The following SUN1 variants were observed in gnomAD, a reference collection of about 807,000 sequenced individuals.
The protein encoded by SUN1 is Sad1 and UNC84 domain containing 1.
Under a neutral mutation model 103.2 loss-of-function variants are expected in SUN1, and 61 were observed. That is an observed-to-expected ratio of 0.59 (90% confidence interval 0.48 to 0.73). SUN1 has a LOEUF of 0.73. Among genes scored for constraint, SUN1 ranks in the 30% least tolerant of loss-of-function variants. The pLI is 0.00. For synonymous variants in SUN1, 490 were observed against 425.7 expected, an observed-to-expected ratio of 1.15 and a Z score of -1.86; for missense variants, 1,052 against 1,034.6, an observed-to-expected ratio of 1.02 and a Z score of -0.23.
chr7:857,051 G>A (rs540843414), intron 12 of SUN1, among the ~76,000 whole-genome samples: 132 of 152,284 alleles, frequency 8.7e-4, no homozygotes, highest in African/African-American at 3.1e-3. Flanking sequence ...GATTTGCCAA[G>A]TCCCCTTAAG....
intron 15 of SUN1, among the ~76,000 whole-genome samples, chr7:862,045 G>C (rs1832649247): frequency 6.6e-6 from 1 of 152,254 alleles, no homozygotes; most frequent in South Asian, 2.1e-4. Context: ...TCCGTGGTGA[G>C]TGGGGCAGCA....
rs60712364 is a variant in SUN1 at position 819,709 on chromosome 7, CT to C, written c.-74+3053del. ...TGTATGTTTTTATGCCAATGCCACC[CT>C]TTTTTTTTTTTTTTTTGAGATGGAA... On this transcript the variant is annotated intron_variant, in intron 1 of 17. Transcript: ENST00000389574. 1.6e-3 allele frequency among the ~76,000 whole-genome samples: 212 copies of C among 130,552 alleles called. 1 individual carries two copies. The highest frequency in any genetic ancestry group is 0.011 in the South Asian group (47 of 4,208). The allele number at this position is 130,552 out of a possible 152,430, so 85.6% of individuals were successfully genotyped here. A position where few individuals can be genotyped will look rare whatever the true frequency, so the allele number is the denominator to read the frequency against.
upstream of SUN1, among the ~76,000 whole-genome samples, chr7:830,772 G>A (rs946778278): frequency 2.0e-5 from 3 of 152,156 alleles, no homozygotes; most frequent in Non-Finnish European, 2.9e-5. Context: ...GGGTGGGAGC[G>A]GGAGTGGGTG....
At position 867,951 on chromosome 7, in the gene SUN1, G is replaced by A. The variant is rs182878897; in HGVS notation, c.1981-1398G>A. On this transcript the variant is annotated intron_variant, in intron 16 of 18. Coordinates refer to ENST00000401592, the MANE Select transcript of SUN1 (RefSeq NM_001130965.3). ...CAACACCCCCAAGAGGGGTACCAGG[G>A]AACCTCAGTGTCCACCCAGCACCCT... Among the ~76,000 whole-genome samples the A allele has an allele frequency of 2.3e-3, 344 of 152,342 alleles. 3 individuals carry two copies. Among genetic ancestry groups the A allele is most frequent in the African/African-American group, 7.9e-3 (328 of 41,568 alleles).
intron 12 of SUN1, 99 bp from the exon 13 acceptor site, chr7:857,729 C>A: frequency 7.1e-7 from 1 of 1,409,680 alleles, no homozygotes; most frequent in Non-Finnish European, 9.4e-7. Context: ...AGTTGTGACA[C>A]CCAGGAGTGG....
In SUN1 at chr7:843,440, A is replaced by G; in HGVS notation, c.578A>G (p.Glu193Gly). 6.2e-7 allele frequency: 1 copy of G among 1,614,172 alleles called. No homozygotes were observed. Among genetic ancestry groups the G allele is most frequent in the South Asian group, 1.1e-5 (1 of 91,072 alleles). ...FSCSNCSMLS[E>G]RKDVLTAHPA... ...TGCAGCAACTGCAGCATGCTGTCCG[A>G]GCGCAAGGACGTGCTCACGGCGCAC... The change falls in exon 5 of 19, where the codon GAG becomes GGG. Residue 193 changes from glutamate (E) to glycine (G), a missense_variant. By Grantham distance (98) the Glu-to-Gly change is moderately conservative. Coordinates refer to ENST00000401592, the MANE Select transcript of SUN1 (RefSeq NM_001130965.3).
chr7:840,639 C>CTTTTT (rs540064618), intron 2 of SUN1, among the ~76,000 whole-genome samples: 12 of 127,776 alleles, frequency 9.4e-5, no homozygotes, highest in East Asian at 2.4e-4. Context: ...ACCATCTATT[C>CTTTTT]TTTTTTTTTT....
intron 1 of SUN1, among the ~76,000 whole-genome samples, chr7:838,434 C>T (rs1805682018): frequency 6.6e-6 from 1 of 152,158 alleles, no homozygotes; most frequent in African/African-American, 2.4e-5. Context: ...ATCTCACGTC[C>T]GCGTAGTGTT....
At chr7:852,326 A>G (rs1822984637) in intron 7 of SUN1, 4 of 594,982 alleles carry the variant, frequency 6.7e-6, no homozygotes, top group South Asian at 6.2e-5. Context: ...TGCAGTTCCC[A>G]GTGGCATCAG....
chr7:818,190 C>A (rs1174222734), intron 1 of SUN1, among the ~76,000 whole-genome samples: 2 of 152,170 alleles, frequency 1.3e-5, no homozygotes, highest in African/African-American at 4.8e-5. Context: ...CAGCCACTGC[C>A]CATTCTTCCG....
chr7:831,056 G>C (rs1797481630), upstream of SUN1: 1 of 978,686 alleles, frequency 1.0e-6, no homozygotes, highest in Non-Finnish European at 1.2e-6. Context: ...CTAGATTTAG[G>C]TGTTGGTTAA....
intron 5 of SUN1, 177 bp from the exon 6 acceptor site, chr7:851,207 G>A (rs372130058): frequency 1.5e-5 from 8 of 519,446 alleles, no homozygotes; most frequent in South Asian, 1.5e-4. Flanking sequence ...GGTCATGTCA[G>A]TGCAATATTG....
In SUN1 at chr7:852,590, T is replaced by A; in HGVS notation, c.852-19T>A. The A allele has an allele frequency of 6.2e-7, 1 of 1,614,012 alleles. No homozygotes were observed. The highest frequency in any genetic ancestry group is 8.5e-7 in the Non-Finnish European group (1 of 1,179,990). ...ACTTTCATTTTTTCTAAGTCAAAGG[T>A]TTTCATTGTTACTCCCAGGTGCCTT... On this transcript the variant is annotated intron_variant, in intron 7 of 18. Coordinates refer to ENST00000401592, the MANE Select transcript of SUN1 (RefSeq NM_001130965.3).
chr7:832,142 A>G (rs1444167677), upstream of SUN1: 1 of 952,978 alleles, frequency 1.0e-6, no homozygotes, highest in African/African-American at 1.7e-5. Flanking sequence ...CTGATTTCAG[A>G]AGACCGAGAA....
chr7:851,625 A>G (rs940064046), intron 6 of SUN1, 143 bp downstream of exon 6: 19 of 773,082 alleles, frequency 2.5e-5, no homozygotes, highest in Middle Eastern at 2.4e-4. Context: ...GTTCTTTATG[A>G]CGTAGCAATG....
chr7:836,558 C>G (rs887672461), intron 1 of SUN1, among the ~76,000 whole-genome samples: 1 of 152,140 alleles, frequency 6.6e-6, no homozygotes, highest in African/African-American at 2.4e-5. Context: ...AGCTCATGTT[C>G]TGGTTTGAGT....
At chr7:863,374 T>TCACCAGC (rs1833858552) in intron 15 of SUN1, among the ~76,000 whole-genome samples, 2 of 151,994 alleles carry the variant, frequency 1.3e-5, no homozygotes, top group Admixed American at 6.6e-5. Context: ...TGCCCGGGGT[T>TCACCAGC]GTGTGCTGCC....
Position 860,204 on chromosome 7 carries a change from T to G in SUN1, c.1601T>G (p.Leu534Arg), listed in dbSNP as rs770044999. 2 of 1,614,264 alleles carry G rather than the reference T, an allele frequency of 1.2e-6. No individual in the cohort carries two copies. The highest frequency in any genetic ancestry group is 1.7e-6 in the Non-Finnish European group (2 of 1,180,048). Residue 534 changes from leucine to arginine, a missense_variant, in exon 14 of 19, where the codon CTG (leucine) becomes CGG (arginine). By Grantham distance (102) the Leu-to-Arg change is moderately radical. Coordinates refer to ENST00000401592, the MANE Select transcript of SUN1 (RefSeq NM_001130965.3). ...DQQGGSLEQL[L>R]QRFSSQFVSK... Reference sequence around the variant, plus strand: ...CAAGGCGGTTCTCTGGAACAGCTGCTGCAGAGGTTCTCATCACAGTTTGTG... The same window carrying G: ...CAAGGCGGTTCTCTGGAACAGCTGCGGCAGAGGTTCTCATCACAGTTTGTG...
chr7:857,087 T>A (rs1828196823), intron 12 of SUN1, among the ~76,000 whole-genome samples: 1 of 152,114 alleles, frequency 6.6e-6, no homozygotes, highest in Non-Finnish European at 1.5e-5. Flanking sequence ...TCACAGGTGT[T>A]CCCAACATGG....
Sources: allele counts gnomAD v4.1 joint callset (sites outside exome capture counted in the v4.1 genomes callset), GRCh38; gene constraint gnomAD v4.1.1; transcripts MANE v1.5; gene names NCBI Gene and HGNC (gene_info 2026-07-23, HGNC 2026-07-21).